The following FAM13A variants were observed in gnomAD, a reference collection of about 807,000 sequenced individuals.
FAM13A encodes the protein protein FAM13A.
A neutral mutation model predicts 129.6 loss-of-function variants in FAM13A; 76 were observed. That is an observed-to-expected ratio of 0.59 (90% CI 0.49 to 0.71). The LOEUF is 0.71. Ranked by LOEUF, FAM13A falls within the 30% of genes least tolerant of loss-of-function variation. FAM13A has a pLI of 0.00. For synonymous variants in FAM13A, 443 were observed against 449.9 expected, an observed-to-expected ratio of 0.98 and a Z score of 0.20; for missense variants, 1,108 against 1,249.3, an observed-to-expected ratio of 0.89 and a Z score of 1.70.
intron 14 of FAM13A, among the ~76,000 whole-genome samples, chr4:88,756,134 T>C (rs1239184965): frequency 6.6e-6 from 1 of 152,224 alleles, no homozygotes; most frequent in Admixed American, 6.5e-5. Flanking sequence ...TAAATCTGTA[T>C]ATTCATTTAA....
intron 7 of FAM13A, among the ~76,000 whole-genome samples, chr4:88,832,317 A>G (rs1317470862): frequency 6.6e-6 from 1 of 152,254 alleles, no homozygotes. Context: ...CATTCAGGAC[A>G]TAGGCATGGG....
At chr4:88,947,877 C>A (rs1196817905) in intron 4 of FAM13A, among the ~76,000 whole-genome samples, 1 of 152,028 alleles carries the variant, frequency 6.6e-6, no homozygotes, top group Non-Finnish European at 1.5e-5. Flanking sequence ...AGAGGCTGGT[C>A]CTCAGAGGCT....
chr4:88,921,991 G>C (rs1278392079), intron 5 of FAM13A, among the ~76,000 whole-genome samples: 1 of 151,890 alleles, frequency 6.6e-6, no homozygotes, highest in Non-Finnish European at 1.5e-5. Context: ...AATTCAACAA[G>C]AAGAGCTAAC....
chr4:88,730,519 T>G (rs1480270180), intron 23 of FAM13A, among the ~76,000 whole-genome samples: 2 of 152,008 alleles, frequency 1.3e-5, no homozygotes, highest in African/African-American at 4.8e-5. Flanking sequence ...CAGCCTCGAG[T>G]AGCTGGGATT....
chr4:88,900,049 C>T (rs577376476), intron 6 of FAM13A, among the ~76,000 whole-genome samples: 1 of 152,002 alleles, frequency 6.6e-6, no homozygotes, highest in South Asian at 2.1e-4. Flanking sequence ...TGAAGACTCC[C>T]TTTCTGAAAT....
chr4:88,870,737 C>A (rs28885463), intron 6 of FAM13A, among the ~76,000 whole-genome samples: 1,681 of 152,338 alleles, frequency 0.011, 17 homozygotes, highest in Non-Finnish European at 0.016. Context: ...CAGACTTAAA[C>A]GTCCCTGTCT....
At chr4:89,034,517 A>G (rs1045996034) in intron 1 of FAM13A, among the ~76,000 whole-genome samples, 10 of 152,218 alleles carry the variant, frequency 6.6e-5, no homozygotes, top group African/African-American at 2.4e-4. Context: ...CAGTTTAGAG[A>G]TTTCTCAAAG....
intron 5 of FAM13A, among the ~76,000 whole-genome samples, chr4:88,932,863 A>G (rs1579347218): frequency 6.6e-6 from 1 of 152,280 alleles, no homozygotes; most frequent in South Asian, 2.1e-4. Flanking sequence ...TTTGTTAGTA[A>G]CTGTTTTGAG....
chr4:88,937,863 TA>T, intron 5 of FAM13A: 2 of 569,106 alleles, frequency 3.5e-6, no homozygotes, highest in Non-Finnish European at 6.2e-6. Flanking sequence ...GAGATGACTT[TA>T]TAGCAACAAG....
chr4:88,763,706 T>C (rs908806194), intron 13 of FAM13A, among the ~76,000 whole-genome samples: 3 of 152,204 alleles, frequency 2.0e-5, no homozygotes, highest in African/African-American at 4.8e-5. Context: ...AGTGGCCTAA[T>C]AGTTTATCAG....
At chr4:88,774,724 G>A (rs1381893822) in intron 11 of FAM13A, among the ~76,000 whole-genome samples, 2 of 152,010 alleles carry the variant, frequency 1.3e-5, no homozygotes, top group Admixed American at 1.3e-4. Context: ...TAATGGCAAC[G>A]CAAAAAGGGA....
At chr4:88,900,502 TA>T (rs1234763556) in intron 6 of FAM13A, among the ~76,000 whole-genome samples, 1 of 151,618 alleles carries the variant, frequency 6.6e-6, no homozygotes, top group South Asian at 2.1e-4. Context: ...TCAACATTCT[TA>T]AAAAAAAGAA....
intron 6 of FAM13A, among the ~76,000 whole-genome samples, chr4:88,857,756 T>C (rs1333456803): frequency 3.3e-5 from 5 of 151,748 alleles, no homozygotes; most frequent in African/African-American, 1.2e-4. Context: ...CCCTCTCAGC[T>C]CCTCTCTCTT....
chr4:88,805,326 T>C (rs1027584436), intron 7 of FAM13A, among the ~76,000 whole-genome samples: 3 of 152,222 alleles, frequency 2.0e-5, no homozygotes, highest in Non-Finnish European at 4.4e-5. Flanking sequence ...TGCCTTATTC[T>C]AGAGGCCCAA....
intron 1 of FAM13A, among the ~76,000 whole-genome samples, chr4:89,043,639 G>GA (rs1404795008): frequency 6.6e-6 from 1 of 152,022 alleles, no homozygotes; most frequent in South Asian, 2.1e-4. Context: ...CAACTCATCA[G>GA]AAAAATGCTG....
chr4:88,831,028 T>C (rs914689159), intron 7 of FAM13A, among the ~76,000 whole-genome samples: 2 of 151,986 alleles, frequency 1.3e-5, no homozygotes, highest in Non-Finnish European at 2.9e-5. Context: ...TGAGGGACTA[T>C]AAAATTATCC....
chr4:88,999,582 C>T (rs1274588868), intron 3 of FAM13A, among the ~76,000 whole-genome samples: 2 of 152,178 alleles, frequency 1.3e-5, no homozygotes, highest in African/African-American at 4.8e-5. Flanking sequence ...AATCATACTA[C>T]CACCAGTTGG....
chr4:88,897,506 G>C (rs952578446), intron 6 of FAM13A, among the ~76,000 whole-genome samples: 4 of 152,194 alleles, frequency 2.6e-5, no homozygotes, highest in African/African-American at 9.7e-5. Context: ...AGATGGCTTA[G>C]ATGACAGAGA....
chr4:88,880,915 C>A (rs1047584616), intron 6 of FAM13A, among the ~76,000 whole-genome samples: 4 of 151,780 alleles, frequency 2.6e-5, no homozygotes, highest in African/African-American at 9.7e-5. Context: ...AGCCATAATT[C>A]CCCTAGGAAC....
Sources: allele counts gnomAD v4.1 joint callset (sites outside exome capture counted in the v4.1 genomes callset), GRCh38; gene constraint gnomAD v4.1.1; transcripts MANE v1.5; gene names NCBI Gene and HGNC (gene_info 2026-07-23, HGNC 2026-07-21).